The following SH3GLB1 variants were observed in gnomAD, a reference collection of about 807,000 sequenced individuals.
SH3GLB1 encodes endophilin-B1.
Under a neutral mutation model 42.0 loss-of-function variants are expected in SH3GLB1, and 17 were observed. The observed-to-expected ratio is 0.40, with a 90% CI of 0.28 to 0.61. The LOEUF (loss-of-function observed/expected upper bound fraction) is 0.61. Ranked by LOEUF, SH3GLB1 falls within the 20% of genes least tolerant of loss-of-function variation. The pLI is 0.36. For missense variants in SH3GLB1, 355 were observed against 426.3 expected, an observed-to-expected ratio of 0.83 and a Z score of 1.47; for synonymous variants, 132 against 146.6, an observed-to-expected ratio of 0.90 and a Z score of 0.72.
intron 7 of SH3GLB1, among the ~76,000 whole-genome samples, chr1:86,739,938 A>G (rs780795964): frequency 6.6e-5 from 10 of 152,108 alleles, no homozygotes; most frequent in Non-Finnish European, 1.2e-4. Flanking sequence ...TGAGCTCAGG[A>G]GTTTGAGATT....
Position 86,734,432 on chromosome 1 carries a change from A to T in SH3GLB1, c.571-170A>T, listed in dbSNP as rs1570287943. The T allele has an allele frequency of 7.1e-6, 4 of 566,784 alleles. No individual in the cohort carries two copies. In the East Asian group the frequency reaches 1.2e-4, roughly 16 times the overall value. The allele number at this position is 566,784 out of a possible 1,614,324, so 35.1% of individuals were successfully genotyped here. The stretch of plus-strand genomic sequence containing the variant: ...TTGTCCAGGTGGAGTAATACAGAAA[A>T]GCTAAGGTCTAGAAACCAGGGGACC... On this transcript the variant is annotated intron_variant, in intron 5 of 8. Coordinates refer to ENST00000370558, the MANE Select transcript of SH3GLB1 (RefSeq NM_016009.5).
intron 1 of SH3GLB1, among the ~76,000 whole-genome samples, chr1:86,714,957 T>G (rs1190793200): frequency 6.6e-6 from 1 of 152,208 alleles, no homozygotes; most frequent in East Asian, 1.9e-4. Context: ...TAATAAAAAT[T>G]GATTCATTGA....
intron 3 of SH3GLB1, among the ~76,000 whole-genome samples, chr1:86,721,324 T>C (rs555690557): frequency 1.3e-5 from 2 of 152,328 alleles, no homozygotes; most frequent in Admixed American, 6.5e-5. Context: ...TTATATTACC[T>C]TCATTTTAAA....
Position 86,704,878 on chromosome 1 carries a change from C to G in SH3GLB1, c.-22C>G. 6.5e-7 allele frequency: 1 copy of G among 1,544,612 alleles called. No individual in the cohort carries two copies. Among genetic ancestry groups the G allele is most frequent in the Non-Finnish European group, 8.7e-7 (1 of 1,145,538 alleles). On this transcript the variant is annotated 5_prime_UTR_variant, in exon 1 of 9. Transcript: ENST00000370558. Reference sequence around the variant, plus strand: ...GCCTCGCCGCCGCTAGGTCGGCCGGCTCCGCCCGGCTGCCGCCTAGGATGA... The same window carrying G: ...GCCTCGCCGCCGCTAGGTCGGCCGGGTCCGCCCGGCTGCCGCCTAGGATGA...
chr1:86,707,827 T>A (rs938068156), intron 1 of SH3GLB1, among the ~76,000 whole-genome samples: 50 of 152,028 alleles, frequency 3.3e-4, no homozygotes, highest in African/African-American at 1.1e-3. Flanking sequence ...TTTGCATTTT[T>A]AGTAGAGATG....
chr1:86,731,413 C>G (rs116460297), intron 5 of SH3GLB1, among the ~76,000 whole-genome samples: 2,153 of 152,204 alleles, frequency 0.014, 53 homozygotes, highest in African/African-American at 0.05. Flanking sequence ...ACTTGGATCT[C>G]CAGTATGAAA....
intron 2 of SH3GLB1, among the ~76,000 whole-genome samples, chr1:86,716,924 C>T (rs1654569558): frequency 6.6e-6 from 1 of 152,188 alleles, no homozygotes; most frequent in South Asian, 2.1e-4. Flanking sequence ...ACTTAAACTT[C>T]AAGCACTATA....
At position 86,734,684 on chromosome 1, in the gene SH3GLB1, G is replaced by A. The variant is rs1162603980; in HGVS notation, c.653G>A (p.Ser218Asn). 6 of 1,610,542 alleles carry A rather than the reference G, an allele frequency of 3.7e-6. No individual in the cohort carries two copies. The highest frequency in any genetic ancestry group is 1.3e-5 in the African/African-American group (1 of 74,936). The part of the protein sequence containing the change: ...ITRLLLEGIS[S>N]THAHHLRCLN... ...AGACTTCTGCTAGAGGGAATCAGCA[G>A]TACACATGTGAGTATTCATTCATTG... The change falls in exon 6 of 9, where the codon AGT becomes AAT. Residue 218 changes from serine (S) to asparagine (N), a missense_variant. By Grantham distance (46) the Ser-to-Asn change is conservative. Coordinates refer to ENST00000370558, the MANE Select transcript of SH3GLB1 (RefSeq NM_016009.5).
chr1:86,723,810 T>G (rs971156869), intron 4 of SH3GLB1, among the ~76,000 whole-genome samples: 1 of 152,208 alleles, frequency 6.6e-6, no homozygotes, highest in African/African-American at 2.4e-5. Context: ...GCCCCAGGCG[T>G]ATACTTCCTT....
chr1:86,708,725 T>C (rs1654018406), intron 1 of SH3GLB1, among the ~76,000 whole-genome samples: 1 of 152,238 alleles, frequency 6.6e-6, no homozygotes, highest in African/African-American at 2.4e-5. Context: ...ATTGTTATTT[T>C]ACTAGAGTTT....
intron 4 of SH3GLB1, among the ~76,000 whole-genome samples, chr1:86,723,468 C>T (rs12134900): frequency 0.055 from 8,336 of 152,018 alleles, 330 homozygotes; most frequent in Middle Eastern, 0.099. Context: ...GAGCCAAGAT[C>T]GTGCCACTGC....
rs151213705 is a variant in SH3GLB1 at position 86,719,760 on chromosome 1, T to C, written c.343+125T>C. On this transcript the variant is annotated intron_variant, in intron 3 of 8. Coordinates refer to ENST00000370558, the MANE Select transcript of SH3GLB1 (RefSeq NM_016009.5). ...CCTGTAATCCCAGCACTTTGGGTGGTTGAGGTGGGCGGATCATGAGGTCAG... is the reference window on the plus strand; with the variant it reads ...CCTGTAATCCCAGCACTTTGGGTGGCTGAGGTGGGCGGATCATGAGGTCAG... 2.2e-3 allele frequency: 1,972 copies of C among 884,484 alleles called. 28 individuals are homozygous for C. In the African/African-American group the frequency reaches 0.03, roughly 14 times the overall value. The allele number at this position is 884,484 out of a possible 1,614,324, so 54.8% of individuals were successfully genotyped here. A position where few individuals can be genotyped will look rare whatever the true frequency, so the allele number is the denominator to read the frequency against.
At chr1:86,731,318 T>G (rs1655498009) in intron 5 of SH3GLB1, among the ~76,000 whole-genome samples, 1 of 152,248 alleles carries the variant, frequency 6.6e-6, no homozygotes, top group Admixed American at 6.5e-5. Context: ...AATAGCTTTA[T>G]AAACTTTAAC....
intron 3 of SH3GLB1, among the ~76,000 whole-genome samples, 199 bp from the exon 4 acceptor site, chr1:86,722,341 T>C (rs1191805849): frequency 6.6e-6 from 1 of 152,176 alleles, no homozygotes; most frequent in Non-Finnish European, 1.5e-5. Context: ...TTCATCTTTG[T>C]CTCCTTCATT....
At chr1:86,724,002 G>GTA (rs1329979118) in intron 4 of SH3GLB1, among the ~76,000 whole-genome samples, 1 of 152,180 alleles carries the variant, frequency 6.6e-6, no homozygotes. Flanking sequence ...AACCAAAAAG[G>GTA]TATTGCCAAA....
At chr1:86,734,954 C>A in intron 6 of SH3GLB1, 125 bp from the exon 7 acceptor site, 1 of 719,122 alleles carries the variant, frequency 1.4e-6, no homozygotes, top group Non-Finnish European at 2.4e-6. Flanking sequence ...TCTTAATAAG[C>A]CTTGTAGTAA....
intron 1 of SH3GLB1, among the ~76,000 whole-genome samples, chr1:86,713,703 C>G (rs972126879): frequency 2.0e-5 from 3 of 152,152 alleles, no homozygotes; most frequent in Non-Finnish European, 4.4e-5. Context: ...ATCCCTCCCC[C>G]ACTGAAGCCT....
Position 86,742,275 on chromosome 1 carries a change from A to C in SH3GLB1, c.829A>C (p.Asn277His). Residue 277 changes from asparagine (N) to histidine (H), a missense_variant, in exon 8 of 9, where the codon AAT becomes CAT. Transcript: ENST00000370558. Reference protein sequence around the residue: ...SVTPVPSVLPNAIGSSAMAST... With the variant: ...SVTPVPSVLPHAIGSSAMAST... ...GACACCTGTACCATCAGTTTTACCA[A>C]ATGCGATTGGTTCTTCTGCCATGGC... The C allele has an allele frequency of 6.2e-7, 1 of 1,614,128 alleles. No individual in the cohort carries two copies. The highest frequency in any genetic ancestry group is 8.5e-7 in the Non-Finnish European group (1 of 1,180,014).
chr1:86,734,620 A>G lies in SH3GLB1; in HGVS notation c.589A>G (p.Ile197Val), dbSNP rs760302020. The G allele has an allele frequency of 6.2e-6, 10 of 1,612,932 alleles. No homozygotes were observed. In the East Asian group the frequency reaches 1.8e-4, roughly 29 times the overall value. Residue 197 changes from isoleucine (I) to valine (V), a missense_variant, in exon 6 of 9, where the codon ATA (isoleucine) becomes GTA (valine). Physicochemically the swap from Ile to Val is conservative, Grantham distance 29 (BLOSUM62 3). Transcript: ENST00000370558. ...TRNSSEQELR[I>V]TQSEFDRQAE... ...ACTTAAGTCTGAACAGGAATTAAGAATAACTCAAAGTGAATTTGATCGTCA... is the reference window on the plus strand; with the variant it reads ...ACTTAAGTCTGAACAGGAATTAAGAGTAACTCAAAGTGAATTTGATCGTCA...
Sources: allele counts gnomAD v4.1 joint callset (sites outside exome capture counted in the v4.1 genomes callset), GRCh38; gene constraint gnomAD v4.1.1; transcripts MANE v1.5; gene names NCBI Gene and HGNC (gene_info 2026-07-23, HGNC 2026-07-21).